Variants in ATAD2B observed in about 807,000 individuals in gnomAD.
The protein encoded by ATAD2B is ATPase family AAA domain containing 2B.
Under a neutral mutation model 167.6 loss-of-function variants are expected in ATAD2B, and 40 were observed. The ratio of observed to expected loss-of-function variants is 0.24; its 90% CI spans 0.19 to 0.31. ATAD2B has a LOEUF of 0.31. Among genes scored for constraint, ATAD2B ranks in the 10% least tolerant of loss-of-function variants. The pLI, the probability that ATAD2B is intolerant of heterozygous loss-of-function variation, is 1.00. For missense variants in ATAD2B, 1,242 were observed against 1,757.2 expected (o/e 0.71, Z 5.24); for synonymous variants, 579 against 596.5 (o/e 0.97, Z 0.43).
chr2:23,710,382 C>T, the ATAD2B span, among the ~76,000 whole-genome samples: 3 of 152,174 alleles, frequency 2.0e-5, no homozygotes, highest in Non-Finnish European at 4.4e-5. Flanking sequence ...ACATCTTTAG[C>T]TACTAAATTA....
chr2:23,793,366 C>A (rs552371208), intron 19 of ATAD2B, among the ~76,000 whole-genome samples: 4 of 152,252 alleles, frequency 2.6e-5, no homozygotes, highest in Middle Eastern at 3.4e-3. Context: ...CAATTCTGGC[C>A]AAGGTTTACA....
At chr2:23,780,277 G>A (rs987608537) in intron 22 of ATAD2B, among the ~76,000 whole-genome samples, 1 of 147,122 alleles carries the variant, frequency 6.8e-6, no homozygotes, top group Non-Finnish European at 1.5e-5. Context: ...TTGTGTGTGT[G>A]TGTGTGTGTG....
the ATAD2B span, among the ~76,000 whole-genome samples, chr2:23,737,324 G>A: frequency 6.6e-6 from 1 of 151,986 alleles, no homozygotes; most frequent in African/African-American, 2.4e-5. Flanking sequence ...CACCTCACAC[G>A]GCTTGATACT....
At position 23,840,580 on chromosome 2, in the gene ATAD2B, A is replaced by G. The variant is rs113456504; in HGVS notation, c.1569-6502T>C. 1.6e-3 allele frequency among the ~76,000 whole-genome samples: 239 copies of G among 152,284 alleles called. 2 individuals are homozygous for G. The highest frequency in any genetic ancestry group is 5.5e-3 in the African/African-American group (229 of 41,588). On this transcript the variant is annotated intron_variant, in intron 13 of 27. Coordinates refer to ENST00000238789, the MANE Select transcript of ATAD2B (RefSeq NM_017552.4). ...GCTTTTTGTTATTTTTCTGTTTTGT[A>G]TATTACCAAACTTTAGAAAATTAGT...
intron 16 of ATAD2B, among the ~76,000 whole-genome samples, chr2:23,822,503 C>A (rs1687595488): frequency 6.6e-6 from 1 of 151,776 alleles, no homozygotes; most frequent in Non-Finnish European, 1.5e-5. Context: ...CAAGATCAGG[C>A]CACTGCATTC....
chr2:23,884,751 A>C lies in ATAD2B; in HGVS notation c.784+14T>G. The C allele has an allele frequency of 6.7e-7, 1 of 1,490,098 alleles. No individual in the cohort carries two copies. The highest frequency in any genetic ancestry group is 9.1e-7 in the Non-Finnish European group (1 of 1,097,642). 92.3% of individuals were successfully genotyped at this position (1,490,098 alleles called of 1,614,324 possible). ...ACCTGAACTTTCTAGAATTCCAAAA[A>C]GTGCTTTACAAACCTTCTTCTTCAC... On this transcript the variant is annotated intron_variant, in intron 6 of 27. Coordinates refer to ENST00000238789, the MANE Select transcript of ATAD2B (RefSeq NM_017552.4).
At chr2:23,688,241 C>T in the ATAD2B span, among the ~76,000 whole-genome samples, 4 of 152,336 alleles carry the variant, frequency 2.6e-5, no homozygotes, top group South Asian at 2.1e-4. Context: ...CATGCCCATG[C>T]GTGTGTCCTG....
chr2:23,874,949 G>A (rs544727588), intron 8 of ATAD2B, among the ~76,000 whole-genome samples: 23 of 151,710 alleles, frequency 1.5e-4, no homozygotes, highest in African/African-American at 5.3e-4. Context: ...CCAGCTACTC[G>A]GAAGGCTGAG....
At position 23,904,926 on chromosome 2, in the gene ATAD2B, A is replaced by T. The variant is rs1329699817; in HGVS notation, c.217-8956T>A. Among the ~76,000 whole-genome samples, 3 of 152,188 alleles carry T rather than the reference A, an allele frequency of 2.0e-5. No homozygotes were observed. The South Asian group carries it at 6.2e-4, about 31-fold the overall frequency. ...ACTGCTATTTATTTATTTAGGGCCA[A>T]CACTATTCTACAAAGTCCTGAAATG... On this transcript the variant is annotated intron_variant, in intron 1 of 27. Coordinates refer to ENST00000238789, the MANE Select transcript of ATAD2B (RefSeq NM_017552.4).
At chr2:23,856,615 C>A (rs954885293) in intron 13 of ATAD2B, among the ~76,000 whole-genome samples, 4 of 152,162 alleles carry the variant, frequency 2.6e-5, no homozygotes, top group African/African-American at 9.7e-5. Flanking sequence ...AATCCCAGCA[C>A]TTTGGGAGGC....
chr2:23,805,751 C>T (rs1232698988), intron 18 of ATAD2B, among the ~76,000 whole-genome samples: 4 of 140,208 alleles, frequency 2.9e-5, no homozygotes, highest in African/African-American at 1.1e-4. Flanking sequence ...TACATTTCCA[C>T]TAAGTCTAAG....
chr2:23,832,355 C>G, intron 14 of ATAD2B: 2 of 346,044 alleles, frequency 5.8e-6, no homozygotes, highest in East Asian at 1.7e-4. Context: ...TTCAGTCTCA[C>G]AAAACTGTTT....
intron 4 of ATAD2B, among the ~76,000 whole-genome samples, chr2:23,886,991 T>C (rs939314571): frequency 6.7e-6 from 1 of 149,662 alleles, no homozygotes; most frequent in African/African-American, 2.5e-5. Context: ...TTTTAAGAGA[T>C]GGGGTGCTGG....
At chr2:23,755,010 A>G (rs1306189518) in intron 25 of ATAD2B, 1 of 360,896 alleles carries the variant, frequency 2.8e-6, no homozygotes, top group Non-Finnish European at 5.0e-6. Context: ...ATACTAAAGT[A>G]TCACCTAATA....
chr2:23,842,967 T>C (rs983129651), intron 13 of ATAD2B, among the ~76,000 whole-genome samples: 2 of 152,088 alleles, frequency 1.3e-5, no homozygotes, highest in South Asian at 2.1e-4. Flanking sequence ...AATCCAAAAC[T>C]GCCCAACAAA....
At chr2:23,823,878 C>T (rs1294561385) in intron 15 of ATAD2B, among the ~76,000 whole-genome samples, 1 of 150,992 alleles carries the variant, frequency 6.6e-6, no homozygotes, top group African/African-American at 2.4e-5. Flanking sequence ...AGCTTTAAAA[C>T]AAAAGCCATG....
the ATAD2B span, among the ~76,000 whole-genome samples, chr2:23,686,852 C>G: frequency 6.6e-6 from 1 of 152,164 alleles, no homozygotes; most frequent in East Asian, 1.9e-4. Flanking sequence ...AAGCCAAAGC[C>G]AAGCCCAGGG....
chr2:23,886,229 C>T (rs151263370), intron 4 of ATAD2B, among the ~76,000 whole-genome samples: 269 of 152,108 alleles, frequency 1.8e-3, no homozygotes, highest in Admixed American at 3.7e-3. Flanking sequence ...TACAGTGATG[C>T]GCCCCACCAT....
At chr2:23,843,290 A>C (rs1400541068) in intron 13 of ATAD2B, among the ~76,000 whole-genome samples, 1 of 152,258 alleles carries the variant, frequency 6.6e-6, no homozygotes, top group Non-Finnish European at 1.5e-5. Context: ...AAGACAGACA[A>C]AAATTATCCA....
Sources: gnomAD v4.1 joint callset for allele counts (sites outside exome capture counted in the v4.1 genomes callset) on GRCh38, gnomAD v4.1.1 for gene constraint, MANE v1.5 for transcripts, NCBI Gene and HGNC (gene_info 2026-07-23, HGNC 2026-07-21) for gene names.